The following RIPOR1 variants were observed in gnomAD, a reference collection of about 807,000 sequenced individuals.
RIPOR1 encodes RHO family interacting cell polarization regulator 1.
RIPOR1 carries 58 observed loss-of-function variants against 116.5 expected under a neutral mutation model. That is an observed-to-expected ratio of 0.50 (90% confidence interval 0.40 to 0.62). The LOEUF (loss-of-function observed/expected upper bound fraction) is 0.62. RIPOR1 is among the 20% of genes least tolerant of loss of function. The pLI, the probability that RIPOR1 is intolerant of heterozygous loss-of-function variation, is 0.00. For synonymous variants in RIPOR1, 605 were observed against 650.0 expected, an observed-to-expected ratio of 0.93 and a Z score of 1.05; for missense variants, 1,372 against 1,586.2, an observed-to-expected ratio of 0.86 and a Z score of 2.29.
At chr16:67,526,213 C>A (rs564303699), upstream of RIPOR1, among the ~76,000 whole-genome samples, 3 of 152,216 alleles carry the variant, frequency 2.0e-5, no homozygotes, top group Admixed American at 2.0e-4. Context: ...GAGCTGTTTT[C>A]CAAGTGGATG....
chr16:67,524,813 C>G (rs944018482), upstream of RIPOR1, among the ~76,000 whole-genome samples: 10 of 152,220 alleles, frequency 6.6e-5, no homozygotes, highest in Non-Finnish European at 1.2e-4. Context: ...CTACCCTGGC[C>G]CAGGCCACCA....
Position 67,542,833 on chromosome 16 carries a change from G to A in RIPOR1, c.2047G>A (p.Glu683Lys). Residue 683 changes from glutamate to lysine, a missense_variant, in exon 13 of 22, where the codon GAA (glutamate) becomes AAA (lysine). This residue lies in a region of RIPOR1 where 1,005 missense variants were observed against 1,144.7 expected (regional missense o/e 0.88). Transcript: ENST00000042381. The surrounding 1 kb of genome is among the most constrained non-coding windows in gnomAD (Gnocchi z 4.6). ...AAATGTAAGCCCTTCCACTTCTCTA[G>A]AACTTGCTACCCTCTCCAGCCCCTC... Reference protein sequence around the residue: ...LINVSPSTSLELATLSSPSKH... With the variant: ...LINVSPSTSLKLATLSSPSKH... The A allele has an allele frequency of 6.2e-7, 1 of 1,613,522 alleles. No homozygotes were observed. The highest frequency in any genetic ancestry group is 1.1e-5 in the South Asian group (1 of 91,056).
rs2051131323 is a variant in RIPOR1, at chr16:67,545,400, C to A, written c.3056C>A (p.Ala1019Asp). Residue 1019 changes from alanine to aspartate, a missense_variant, in exon 18 of 22, where the codon GCC becomes GAC. By Grantham distance (126) the Ala-to-Asp change is moderately radical (BLOSUM62 -2). This residue lies in a region of RIPOR1 where 1,005 missense variants were observed against 1,144.7 expected (regional missense o/e 0.88). Transcript: ENST00000042381. The surrounding 1 kb of genome is among the most constrained non-coding windows in gnomAD (Gnocchi z 4.8). Reference sequence around the variant, plus strand: ...GTGTGTGTGAAGTTCCTGGAGGATGCCCTGGGGCAGAAGCTGCCCAGAAGG... The same window carrying A: ...GTGTGTGTGAAGTTCCTGGAGGATGACCTGGGGCAGAAGCTGCCCAGAAGG... ...EAVCVKFLED[A>D]LGQKLPRRPQ... 1.9e-6 allele frequency: 3 copies of A among 1,613,982 alleles called. No homozygotes were observed. The highest frequency in any genetic ancestry group is 2.5e-6 in the Non-Finnish European group (3 of 1,180,002).
chr16:67,525,479 G>A (rs568444021), upstream of RIPOR1, among the ~76,000 whole-genome samples: 250 of 152,274 alleles, frequency 1.6e-3, 1 homozygote, highest in African/African-American at 5.8e-3. Flanking sequence ...ATGGGGGTGG[G>A]GGTTGCATGG....
chr16:67,523,368 A>G (rs2050510651), intron 1 of RIPOR1, among the ~76,000 whole-genome samples: 1 of 151,778 alleles, frequency 6.6e-6, no homozygotes. Flanking sequence ...TCTACTAAAA[A>G]TACAAAAATT....
intron 1 of RIPOR1, among the ~76,000 whole-genome samples, chr16:67,520,899 C>A (rs7191363): frequency 0.076 from 11,506 of 152,144 alleles, 1,427 homozygotes; most frequent in African/African-American, 0.26. Context: ...GCTAGAAATC[C>A]TTCTCTTGGA....
In RIPOR1 at chr16:67,534,835, C is replaced by CTTTT. The variant is rs553858194; in HGVS notation, c.-23-3567_-23-3564dup. 5.3e-4 allele frequency among the ~76,000 whole-genome samples: 42 copies of CTTTT among 78,998 alleles called. 1 individual carries two copies. The highest frequency in any genetic ancestry group is 5.8e-4 in the African/African-American group (11 of 18,866). The allele number at this position is 78,998 out of a possible 152,430, so 51.8% of individuals were successfully genotyped here. ...ACAGTTTCTAGGGTTTTCTTTTTTTCTTTTTTTTTTTTTTTTTTTTTTTTT... is the reference window on the plus strand; with the variant it reads ...ACAGTTTCTAGGGTTTTCTTTTTTTCTTTTTTTTTTTTTTTTTTTTTTTTTTTTT... On this transcript the variant is annotated intron_variant, in intron 1 of 21. Coordinates refer to ENST00000042381, the MANE Select transcript of RIPOR1 (RefSeq NM_024519.4).
intron 1 of RIPOR1, among the ~76,000 whole-genome samples, chr16:67,522,422 G>A (rs540790765): frequency 1.5e-4 from 22 of 150,950 alleles, no homozygotes; most frequent in Non-Finnish European, 3.0e-4. Flanking sequence ...GGCTGGTCTC[G>A]AACTCCTGAC....
At chr16:67,523,377 T>G (rs1306813322) in intron 1 of RIPOR1, among the ~76,000 whole-genome samples, 1 of 151,584 alleles carries the variant, frequency 6.6e-6, no homozygotes, top group African/African-American at 2.4e-5. Flanking sequence ...AATACAAAAA[T>G]TAGCCGGGCA....
rs374754244 is a variant in RIPOR1 at position 67,540,533 on chromosome 16, G to C, written c.675+32G>C. ...GAATGTGCAGGGAAGGGCTGGGTCGGTAGGGTCCCAACACCTAGGCTGCCT... is the reference window on the plus strand; with the variant it reads ...GAATGTGCAGGGAAGGGCTGGGTCGCTAGGGTCCCAACACCTAGGCTGCCT... On this transcript the variant is annotated intron_variant, in intron 9 of 21. Transcript: ENST00000042381. This position sits in a 1 kb window ranked among gnomAD's most constrained non-coding sequence, Gnocchi z 4.7. 1.7e-4 allele frequency: 267 copies of C among 1,614,010 alleles called. No homozygotes were observed. The highest frequency in any genetic ancestry group is 1.8e-4 in the Non-Finnish European group (214 of 1,180,002).
rs1213026412 is a variant in RIPOR1 at position 67,543,068 on chromosome 16, C to T, written c.2282C>T (p.Pro761Leu). The change falls in exon 13 of 22, where the codon CCT becomes CTT. Residue 761 changes from proline to leucine, a missense_variant. By Grantham distance (98) the Pro-to-Leu change is moderately conservative. Around this residue, in one of 3 missense-constraint regions of RIPOR1, gnomAD observed 1,005 missense variants for 1,144.7 expected, o/e 0.88. Transcript: ENST00000042381. The surrounding 1 kb of genome is among the most constrained non-coding windows in gnomAD (Gnocchi z 4.7). ...SLSPTPSPPT[P>L]APQHSDLCLA... ...AGCCCCACTCCCTCACCCCCAACCCCTGCACCCCAGCATTCAGACCTTTGC... is the reference window on the plus strand; with the variant it reads ...AGCCCCACTCCCTCACCCCCAACCCTTGCACCCCAGCATTCAGACCTTTGC... 1 of 1,523,930 alleles carries T rather than the reference C, an allele frequency of 6.6e-7. No individual in the cohort carries two copies. The highest frequency in any genetic ancestry group is 8.8e-7 in the Non-Finnish European group (1 of 1,138,174). 94.4% of individuals were successfully genotyped at this position (1,523,930 alleles called of 1,614,324 possible). A position where few individuals can be genotyped will look rare whatever the true frequency, so the allele number is the denominator to read the frequency against.
chr16:67,529,699 G>C lies in RIPOR1; in HGVS notation c.-24+785G>C. ...CCAGCCAGTTCTAACGTGTGTCCAG[G>C]CTGGCCGCCCCAGCACCTACTGTGC... On this transcript the variant is annotated intron_variant, in intron 1 of 21. Coordinates refer to ENST00000042381, the MANE Select transcript of RIPOR1 (RefSeq NM_024519.4). The surrounding 1 kb of genome is among the most constrained non-coding windows in gnomAD (Gnocchi z 4.1). 1 of 1,485,530 alleles carries C rather than the reference G, an allele frequency of 6.7e-7. No homozygotes were observed. Among genetic ancestry groups the C allele is most frequent in the Admixed American group, 2.0e-5 (1 of 49,370 alleles). 92.0% of individuals were successfully genotyped at this position (1,485,530 alleles called of 1,614,324 possible).
Position 67,543,405 on chromosome 16 carries a change from G to A in RIPOR1, c.2536G>A (p.Ala846Thr). 6.3e-7 allele frequency: 1 copy of A among 1,583,790 alleles called. No individual in the cohort carries two copies. The highest frequency in any genetic ancestry group is 8.6e-7 in the Non-Finnish European group (1 of 1,164,400). ...CAGTCTCAGCATCACTGTGGAGCATGCCTTGGAGAGCTTCAGCTTCCTCAA... is the reference window on the plus strand; with the variant it reads ...CAGTCTCAGCATCACTGTGGAGCATACCTTGGAGAGCTTCAGCTTCCTCAA... Reference protein sequence around the residue: ...ASSLSITVEHALESFSFLNED... With the variant: ...ASSLSITVEHTLESFSFLNED... Residue 846 changes from alanine to threonine, a missense_variant, in exon 14 of 22, where the codon GCC becomes ACC. Ala to Thr is a moderately conservative substitution (Grantham distance 58). Coordinates refer to ENST00000042381, the MANE Select transcript of RIPOR1 (RefSeq NM_024519.4). This position sits in a 1 kb window ranked among gnomAD's most constrained non-coding sequence, Gnocchi z 4.7.
chr16:67,538,924 G>A (rs1269274221), intron 3 of RIPOR1, 66 bp from the exon 4 acceptor site: 39 of 1,610,128 alleles, frequency 2.4e-5, no homozygotes, highest in Non-Finnish European at 3.1e-5. Flanking sequence ...TCTCCCTGCT[G>A]TCTGCACCCT....
intron 1 of RIPOR1, among the ~76,000 whole-genome samples, chr16:67,521,053 G>A (rs2050491037): frequency 1.3e-5 from 2 of 152,122 alleles, no homozygotes; most frequent in Admixed American, 1.3e-4. Flanking sequence ...ATATGGAGGG[G>A]GTTTTAATGG....
rs760654886 is a variant in RIPOR1, at chr16:67,544,949, C to T, written c.2870-7C>T. ...TGTTGCTGACGGTTTCCCTCACCCC[C>T]TCACAGTGGTGCAGTTCTCGGCCTC... is the stretch of plus-strand genomic sequence containing the variant. On this transcript the variant is annotated splice_region_variant and splice_polypyrimidine_tract_variant and intron_variant, in intron 16 of 21. Coordinates refer to ENST00000042381, the MANE Select transcript of RIPOR1 (RefSeq NM_024519.4). The surrounding 1 kb of genome is among the most constrained non-coding windows in gnomAD (Gnocchi z 5.1). The T allele has an allele frequency of 6.2e-7, 1 of 1,611,474 alleles. No individual in the cohort carries two copies. The highest frequency in any genetic ancestry group is 8.5e-7 in the Non-Finnish European group (1 of 1,179,780).
intron 1 of RIPOR1, among the ~76,000 whole-genome samples, chr16:67,521,502 G>A (rs1393442575): frequency 6.6e-6 from 1 of 152,216 alleles, no homozygotes; most frequent in Non-Finnish European, 1.5e-5. Flanking sequence ...AGGGTCCCAG[G>A]GGAGCAGTTC....
At chr16:67,523,001 C>G (rs926251966) in intron 1 of RIPOR1, among the ~76,000 whole-genome samples, 2 of 152,196 alleles carry the variant, frequency 1.3e-5, no homozygotes, top group African/African-American at 4.8e-5. Context: ...GCTCTCCTCT[C>G]TCCCTCTCTC....
intron 4 of RIPOR1, 40 bp from the exon 5 acceptor site, chr16:67,539,688 A>G: frequency 6.2e-7 from 1 of 1,613,564 alleles, no homozygotes; most frequent in Non-Finnish European, 8.5e-7. Flanking sequence ...AGTCCTCCTC[A>G]TCCCTCCTAA....
Sources: allele counts gnomAD v4.1 joint callset (sites outside exome capture counted in the v4.1 genomes callset), GRCh38; gene constraint gnomAD v4.1.1; regional missense constraint gnomAD v4.1.1; non-coding constraint Gnocchi (gnomAD v3.1); transcripts MANE v1.5; gene names NCBI Gene and HGNC (gene_info 2026-07-23, HGNC 2026-07-21).